PACSIN2: variants seen among roughly 807,000 people sequenced by gnomAD.
PACSIN2 encodes protein kinase C and casein kinase substrate in neurons protein 2.
In PACSIN2, 25 loss-of-function variants were observed where a neutral mutation model predicts 63.8. The ratio of observed to expected loss-of-function variants is 0.39; its 90% CI spans 0.29 to 0.55. PACSIN2 has a LOEUF of 0.55. Ranked by LOEUF, PACSIN2 falls within the 20% of genes least tolerant of loss-of-function variation. The pLI, the probability that PACSIN2 is intolerant of heterozygous loss-of-function variation, is 0.62. For synonymous variants in PACSIN2, 255 were observed against 256.2 expected (o/e 1.00, Z 0.05); for missense variants, 518 against 646.9 (o/e 0.80, Z 2.16).
intron 2 of PACSIN2, among the ~76,000 whole-genome samples, chr22:42,901,785 G>A (rs575678572): frequency 7.2e-5 from 11 of 152,342 alleles, no homozygotes; most frequent in Admixed American, 2.6e-4. Flanking sequence ...GGTTGAAGAC[G>A]ATGTTGGTGC....
chr22:42,926,672 G>GAA (rs56964351), intron 1 of PACSIN2, among the ~76,000 whole-genome samples: 1 of 145,826 alleles, frequency 6.9e-6, no homozygotes, highest in African/African-American at 2.5e-5. Context: ...CTTCCCACAG[G>GAA]AAAAAAAAAA....
At position 42,870,546 on chromosome 22, in the gene PACSIN2, A is replaced by C. The variant is rs1219914865; in HGVS notation, c.*811T>G. On this transcript the variant is annotated 3_prime_UTR_variant, in exon 11 of 11. Coordinates refer to ENST00000263246, the MANE Select transcript of PACSIN2 (RefSeq NM_001184970.3). ...TACAGATGCATTTGCTTGAAAAGTT[A>C]GTCTTCTTTTTAACTCTGAATCAGT... 1.3e-5 allele frequency: 2 copies of C among 152,216 alleles called. No homozygotes were observed. The highest frequency in any genetic ancestry group is 3.8e-4 in the East Asian group (2 of 5,208). The allele number at this position is 152,216 out of a possible 1,614,324, so 9.4% of individuals were successfully genotyped here.
chr22:42,899,105 T>G (rs1309086333), intron 2 of PACSIN2, among the ~76,000 whole-genome samples: 1 of 152,166 alleles, frequency 6.6e-6, no homozygotes, highest in Admixed American at 6.5e-5. Flanking sequence ...CTTCAGACTC[T>G]GGGCCCTAAG....
intron 1 of PACSIN2, among the ~76,000 whole-genome samples, chr22:42,997,084 G>A (rs1424478046): frequency 1.3e-5 from 2 of 152,198 alleles, no homozygotes; most frequent in African/African-American, 4.8e-5. Context: ...AGGGGATGAG[G>A]CTTGGACCCT....
At chr22:42,952,494 G>C (rs1933737697) in intron 1 of PACSIN2, among the ~76,000 whole-genome samples, 1 of 151,496 alleles carries the variant, frequency 6.6e-6, no homozygotes, top group Admixed American at 6.6e-5. Context: ...GATTAGCTGG[G>C]ACTTTAGGCG....
At chr22:42,879,774 C>A (rs188953451) in intron 7 of PACSIN2, among the ~76,000 whole-genome samples, 3 of 152,206 alleles carry the variant, frequency 2.0e-5, no homozygotes, top group Non-Finnish European at 4.4e-5. Flanking sequence ...AAAGCCACTG[C>A]AAATAAAACC....
chr22:42,962,775 C>CGGGGGGG (rs1555936911), intron 1 of PACSIN2, among the ~76,000 whole-genome samples: 5 of 16,394 alleles, frequency 3.0e-4, no homozygotes, highest in African/African-American at 8.9e-4. Flanking sequence ...AAGGTGTGGG[C>CGGGGGGG]GGGGGGGGGG....
intron 1 of PACSIN2, among the ~76,000 whole-genome samples, chr22:42,916,794 G>A (rs2146733608): frequency 6.6e-6 from 1 of 152,276 alleles, no homozygotes; most frequent in African/African-American, 2.4e-5. Context: ...CGCAGGCATG[G>A]AGAAGGCCCA....
intron 5 of PACSIN2, among the ~76,000 whole-genome samples, chr22:42,885,485 C>A (rs773566393): frequency 1.3e-5 from 2 of 152,132 alleles, no homozygotes; most frequent in Non-Finnish European, 2.9e-5. Flanking sequence ...TTTGCTGTCC[C>A]TAACAACATG....
chr22:42,904,648 G>A (rs1157444464), intron 2 of PACSIN2, among the ~76,000 whole-genome samples: 1 of 152,162 alleles, frequency 6.6e-6, no homozygotes, highest in Admixed American at 6.5e-5. Flanking sequence ...AAAGCTGGAG[G>A]ATCAATTCTT....
chr22:42,988,313 C>T lies in PACSIN2; in HGVS notation c.-78+26708G>A, dbSNP rs559525265. ...GTTACAAAGCCCACGAGGACACAGA[C>T]AGCTGTGGGATGTGTGAGTGAGGGG... is the stretch of plus-strand genomic sequence containing the variant. On this transcript the variant is annotated intron_variant, in intron 1 of 10. Coordinates refer to ENST00000263246, the MANE Select transcript of PACSIN2 (RefSeq NM_001184970.3). Among the ~76,000 whole-genome samples the T allele has an allele frequency of 7.4e-4, 113 of 152,300 alleles. 1 individual carries two copies. Among genetic ancestry groups the T allele is most frequent in the Admixed American group, 3.1e-3 (47 of 15,294 alleles).
chr22:42,954,384 T>A (rs1007994027), intron 1 of PACSIN2, among the ~76,000 whole-genome samples: 1 of 152,158 alleles, frequency 6.6e-6, no homozygotes, highest in Admixed American at 6.5e-5. Flanking sequence ...AAAAAGTAGT[T>A]AGTCCAAGTG....
chr22:42,999,090 C>T (rs1235468665), intron 1 of PACSIN2, among the ~76,000 whole-genome samples: 1 of 152,208 alleles, frequency 6.6e-6, no homozygotes, highest in Non-Finnish European at 1.5e-5. Flanking sequence ...CCCAAAAAGG[C>T]TGTCACACTG....
intron 1 of PACSIN2, among the ~76,000 whole-genome samples, chr22:42,920,198 T>C (rs1932093541): frequency 2.0e-5 from 3 of 151,716 alleles, no homozygotes; most frequent in Admixed American, 2.0e-4. Context: ...GCTGAATGAG[T>C]TCTGTGAACT....
chr22:42,922,360 C>A (rs1187301745), intron 1 of PACSIN2, among the ~76,000 whole-genome samples: 9 of 152,228 alleles, frequency 5.9e-5, no homozygotes, highest in Admixed American at 5.9e-4. Context: ...GACAAAAGAA[C>A]AGGTCATTTT....
At chr22:42,942,431 G>A (rs1364265156) in intron 1 of PACSIN2, among the ~76,000 whole-genome samples, 1 of 152,048 alleles carries the variant, frequency 6.6e-6, no homozygotes, top group Non-Finnish European at 1.5e-5. Context: ...GGAAAACACT[G>A]CCTAATCCAA....
At chr22:43,012,204 A>ACAG (rs1569380215) in intron 1 of PACSIN2, among the ~76,000 whole-genome samples, 2 of 129,744 alleles carry the variant, frequency 1.5e-5, no homozygotes, top group Admixed American at 7.9e-5. Context: ...CATACATACA[A>ACAG]ACATACAAAA....
chr22:42,876,999 A>T lies in PACSIN2; in HGVS notation c.1040T>A (p.Val347Asp). The change falls in exon 9 of 11, where the codon GTC (valine) becomes GAC (aspartate). Residue 347 changes from valine (V) to aspartate (D), a missense_variant. By Grantham distance (152) the Val-to-Asp change is radical. Transcript: ENST00000263246. ...CGCAGACTGGGCGGGGTTGCTCGGG[A>T]CATTAAGGGTGCTATGGAGAGAGAG... ...LPSKPSSTLNVPSNPAQSAQS... is the reference protein window; with the variant it reads ...LPSKPSSTLNDPSNPAQSAQS... 1 of 1,614,118 alleles carries T rather than the reference A, an allele frequency of 6.2e-7. No individual in the cohort carries two copies. The highest frequency in any genetic ancestry group is 8.5e-7 in the Non-Finnish European group (1 of 1,179,998).
At chr22:42,979,523 CAAA>C (rs768725896) in intron 1 of PACSIN2, among the ~76,000 whole-genome samples, 1,267 of 61,580 alleles carry the variant, frequency 0.021, 14 homozygotes, top group African/African-American at 0.074. Flanking sequence ...GACTCCCTCT[CAAA>C]AAAAAAAAAA....
Sources: gnomAD v4.1 joint callset for allele counts (sites outside exome capture counted in the v4.1 genomes callset) on GRCh38, gnomAD v4.1.1 for gene constraint, MANE v1.5 for transcripts, NCBI Gene and HGNC (gene_info 2026-07-23, HGNC 2026-07-21) for gene names.